FGD4: variants seen among roughly 807,000 people sequenced by gnomAD.
The protein encoded by FGD4 is FYVE, RhoGEF and PH domain containing 4.
A neutral mutation model predicts 102.0 loss-of-function variants in FGD4; 42 were observed. The ratio of observed to expected loss-of-function variants is 0.41; its 90% CI spans 0.32 to 0.53. The LOEUF (loss-of-function observed/expected upper bound fraction) is 0.53, where lower values mean the gene tolerates loss of function less well. Ranked by LOEUF, FGD4 falls within the 20% of genes least tolerant of loss-of-function variation. FGD4 has a pLI of 0.21. For missense variants in FGD4, 902 were observed against 1,078.2 expected (o/e 0.84, Z 2.29); for synonymous variants, 380 against 375.7 (o/e 1.01, Z -0.13).
chr12:32,635,631 G>T (rs1950761209), intron 15 of FGD4, among the ~76,000 whole-genome samples: 1 of 151,926 alleles, frequency 6.6e-6, no homozygotes, highest in Non-Finnish European at 1.5e-5. Flanking sequence ...CCAAACCAAG[G>T]ATATTACATA....
At chr12:32,465,081 A>G (rs1036305262) in intron 1 of FGD4, among the ~76,000 whole-genome samples, 12 of 152,150 alleles carry the variant, frequency 7.9e-5, no homozygotes, top group African/African-American at 2.7e-4. Flanking sequence ...AGTAAAAACA[A>G]TAGAAAGTGT....
chr12:32,496,452 C>T (rs1383710120), intron 1 of FGD4, among the ~76,000 whole-genome samples: 1 of 152,126 alleles, frequency 6.6e-6, no homozygotes, highest in South Asian at 2.1e-4. Flanking sequence ...CCCCCTACAA[C>T]AAGAGTTAAA....
At chr12:32,565,710 T>C (rs1342879357) in intron 2 of FGD4, among the ~76,000 whole-genome samples, 2 of 152,200 alleles carry the variant, frequency 1.3e-5, no homozygotes. Context: ...TAATCCCCTT[T>C]TTAAGTAGAC....
rs1592364946 is a variant in FGD4, at chr12:32,601,346, C to A, written c.1170C>A (p.Ile390=). Residue 390 remains isoleucine (I), a synonymous_variant, in exon 6 of 17, where the codon ATC becomes ATA. Transcript: ENST00000534526. ...GSFPAEMVNK[I]FSNISSINAF... ...TTCCAGCAGAGATGGTGAATAAAAT[C>A]TTTTCTAATATTTCATCAATAAATG... The A allele has an allele frequency of 1.9e-6, 3 of 1,614,080 alleles. No individual in the cohort carries two copies. Among genetic ancestry groups the A allele is most frequent in the African/African-American group, 2.7e-5 (2 of 75,048 alleles).
At chr12:32,614,015 G>A (rs1181106546) in intron 10 of FGD4, among the ~76,000 whole-genome samples, 3 of 152,200 alleles carry the variant, frequency 2.0e-5, no homozygotes, top group Admixed American at 6.5e-5. Context: ...GAAACCTGCA[G>A]CAGCAGACCA....
At chr12:32,555,353 G>C (rs921173981) in intron 1 of FGD4, among the ~76,000 whole-genome samples, 3 of 152,070 alleles carry the variant, frequency 2.0e-5, no homozygotes, top group Non-Finnish European at 4.4e-5. Context: ...GTTCAGATAT[G>C]AATCTGTTGA....
At chr12:32,638,419 T>C (rs1950973048) in intron 15 of FGD4, among the ~76,000 whole-genome samples, 1 of 152,216 alleles carries the variant, frequency 6.6e-6, no homozygotes, top group African/African-American at 2.4e-5. Flanking sequence ...CTAAGGAAAG[T>C]GCCTACATAG....
intron 15 of FGD4, among the ~76,000 whole-genome samples, chr12:32,636,690 T>C (rs1950836199): frequency 7.8e-6 from 1 of 128,358 alleles, no homozygotes; most frequent in Non-Finnish European, 1.7e-5. Context: ...TTTGTGTGCT[T>C]ACCAGAAACT....
chr12:32,500,056 A>G (rs756436636), intron 1 of FGD4, among the ~76,000 whole-genome samples: 1 of 152,216 alleles, frequency 6.6e-6, no homozygotes, highest in Non-Finnish European at 1.5e-5. Flanking sequence ...CATACTGTTT[A>G]TTCGTAGTGG....
chr12:32,471,581 G>C (rs189098856), intron 1 of FGD4, among the ~76,000 whole-genome samples: 76 of 152,310 alleles, frequency 5.0e-4, no homozygotes, highest in African/African-American at 1.6e-3. Flanking sequence ...ATTTATTGCA[G>C]TGTAATAAAC....
At chr12:32,492,352 T>G (rs1944127441) in intron 1 of FGD4, among the ~76,000 whole-genome samples, 1 of 152,210 alleles carries the variant, frequency 6.6e-6, no homozygotes, top group African/African-American at 2.4e-5. Context: ...AAGCAGACTC[T>G]TCTGTCAAAA....
intron 1 of FGD4, among the ~76,000 whole-genome samples, chr12:32,455,651 T>G (rs746375515): frequency 6.6e-6 from 1 of 151,844 alleles, no homozygotes; most frequent in Non-Finnish European, 1.5e-5. Context: ...GGGTATGTGA[T>G]TTTTGTTAAA....
intron 1 of FGD4, among the ~76,000 whole-genome samples, chr12:32,408,189 A>G (rs1331659326): frequency 1.6e-5 from 2 of 128,250 alleles, no homozygotes; most frequent in Admixed American, 8.3e-5. Context: ...TTTTTTTGAG[A>G]CAGAATTTCG....
At chr12:32,629,046 A>G (rs1253599548) in intron 14 of FGD4, among the ~76,000 whole-genome samples, 1 of 152,152 alleles carries the variant, frequency 6.6e-6, no homozygotes, top group East Asian at 1.9e-4. Flanking sequence ...CACATGTTAT[A>G]TATTGGTGGA....
rs749267223 is a variant in FGD4 at position 32,640,271 on chromosome 12, T to G, written c.2455-5T>G. 13 of 1,614,094 alleles carry G rather than the reference T, an allele frequency of 8.1e-6. No individual in the cohort carries two copies. Among genetic ancestry groups the G allele is most frequent in the Non-Finnish European group, 1.1e-5 (13 of 1,180,030 alleles). ...TGCTTTTAATGTCTGATGTCTTTTCTTTAGGACGTCAGAGCCCAGGCCACC... is the reference window on the plus strand; with the variant it reads ...TGCTTTTAATGTCTGATGTCTTTTCGTTAGGACGTCAGAGCCCAGGCCACC... On this transcript the variant is annotated splice_region_variant and splice_polypyrimidine_tract_variant and intron_variant, in intron 16 of 16. Transcript: ENST00000534526.
At chr12:32,611,113 G>T in intron 9 of FGD4, 24 bp from the exon 10 acceptor site, 1 of 1,613,912 alleles carries the variant, frequency 6.2e-7, no homozygotes, top group Non-Finnish European at 8.5e-7. Flanking sequence ...GCCTGTATGT[G>T]ATCTTGCTGT....
intron 1 of FGD4, among the ~76,000 whole-genome samples, chr12:32,561,351 T>C (rs939678858): frequency 6.6e-6 from 1 of 152,086 alleles, no homozygotes; most frequent in African/African-American, 2.4e-5. Context: ...CCTCCCAGAG[T>C]GCTGGGATTA....
At chr12:32,430,177 A>G (rs1757621426) in intron 1 of FGD4, among the ~76,000 whole-genome samples, 2 of 152,072 alleles carry the variant, frequency 1.3e-5, no homozygotes, top group African/African-American at 4.8e-5. Context: ...GTGTGGTAGC[A>G]GGCATCTGTA....
chr12:32,467,552 A>G (rs1258279739), intron 1 of FGD4, among the ~76,000 whole-genome samples: 1 of 152,238 alleles, frequency 6.6e-6, no homozygotes, highest in Non-Finnish European at 1.5e-5. Context: ...AATAAAGTGG[A>G]GGGCATAGTT....
Sources: allele counts gnomAD v4.1 joint callset (sites outside exome capture counted in the v4.1 genomes callset), GRCh38; gene constraint gnomAD v4.1.1; transcripts MANE v1.5; gene names NCBI Gene and HGNC (gene_info 2026-07-23, HGNC 2026-07-21).